Variants in EFL1 observed in about 807,000 individuals in gnomAD.
The protein encoded by EFL1 is elongation factor-like GTPase 1.
Under a neutral mutation model 126.7 loss-of-function variants are expected in EFL1, and 76 were observed. That is an observed-to-expected ratio of 0.60 (90% CI 0.50 to 0.73). The LOEUF (loss-of-function observed/expected upper bound fraction) is 0.73, where lower values mean the gene tolerates loss of function less well. Among genes scored for constraint, EFL1 ranks in the 30% least tolerant of loss-of-function variants. EFL1 has a pLI of 0.00. For synonymous variants in EFL1, 410 were observed against 448.4 expected, an observed-to-expected ratio of 0.91 and a Z score of 1.08; for missense variants, 1,128 against 1,343.2, an observed-to-expected ratio of 0.84 and a Z score of 2.50.
intron 15 of EFL1, among the ~76,000 whole-genome samples, chr15:82,191,023 A>AT (rs1567057180): frequency 2.0e-5 from 3 of 151,690 alleles, no homozygotes; most frequent in Non-Finnish European, 2.9e-5. Context: ...CCCTACTGTA[A>AT]TAAAAAAAAA....
At chr15:82,184,842 G>T (rs1301727631) in intron 15 of EFL1, among the ~76,000 whole-genome samples, 1 of 152,034 alleles carries the variant, frequency 6.6e-6, no homozygotes, top group East Asian at 1.9e-4. Context: ...TCTACTATAT[G>T]GTGAAAACAT....
At chr15:82,190,529 A>T (rs1364407446) in intron 15 of EFL1, among the ~76,000 whole-genome samples, 1 of 152,186 alleles carries the variant, frequency 6.6e-6, no homozygotes, top group Non-Finnish European at 1.5e-5. Context: ...TTTGTGAGTC[A>T]TAAAGAGTTG....
intron 15 of EFL1, among the ~76,000 whole-genome samples, chr15:82,167,446 T>C (rs183072377): frequency 9.9e-5 from 15 of 152,048 alleles, no homozygotes; most frequent in Admixed American, 6.6e-4. Flanking sequence ...TTGAGCCAAA[T>C]TTTTTTTTCT....
intron 3 of EFL1, among the ~76,000 whole-genome samples, chr15:82,255,870 G>C (rs1329859968): frequency 6.6e-6 from 1 of 152,086 alleles, no homozygotes; most frequent in South Asian, 2.1e-4. Flanking sequence ...TGGGTAAGAT[G>C]TATTTCCATA....
intron 3 of EFL1, 110 bp downstream of exon 3, chr15:82,258,978 G>A (rs1310570285): frequency 3.0e-6 from 3 of 998,090 alleles, no homozygotes; most frequent in African/African-American, 3.2e-5. Context: ...TTAGACGCAA[G>A]AATTATGTTT....
At position 82,152,359 on chromosome 15, in the gene EFL1, G is replaced by T; in HGVS notation, c.2095C>A (p.Pro699Thr). The change falls in exon 18 of 20, where the codon CCC becomes ACC. Residue 699 changes from proline to threonine, a missense_variant. Physicochemically the swap from Pro to Thr is conservative, Grantham distance 38 (BLOSUM62 -1). This residue lies in a region of EFL1 where 561 missense variants were observed against 641.7 expected (regional missense o/e 0.87). Coordinates refer to ENST00000268206, the MANE Select transcript of EFL1 (RefSeq NM_024580.6). The stretch of plus-strand genomic sequence containing the variant: ...TCATTGACCATGTCAACTTTTGGGG[G>T]TTTTGTGATTGTTTCTCTGAATGGA... ...IIPFRETITK[P>T]PKVDMVNEEI... 1 of 1,613,600 alleles carries T rather than the reference G, an allele frequency of 6.2e-7. No individual in the cohort carries two copies. Among genetic ancestry groups the T allele is most frequent in the South Asian group, 1.1e-5 (1 of 91,076 alleles).
At chr15:82,132,624 G>C (rs2073665199) in intron 19 of EFL1, among the ~76,000 whole-genome samples, 1 of 146,178 alleles carries the variant, frequency 6.8e-6, no homozygotes, top group Non-Finnish European at 1.5e-5. Context: ...TCTCGAAGTG[G>C]GAGCCCAGTT....
At chr15:82,156,535 G>C (rs2073969502) in intron 17 of EFL1, among the ~76,000 whole-genome samples, 2 of 152,108 alleles carry the variant, frequency 1.3e-5, no homozygotes, top group African/African-American at 4.8e-5. Context: ...TGCCCGCCCT[G>C]GCCTCCCAAA....
intron 15 of EFL1, among the ~76,000 whole-genome samples, chr15:82,180,767 G>T (rs191910335): frequency 2.7e-5 from 4 of 149,656 alleles, no homozygotes; most frequent in African/African-American, 7.4e-5. Flanking sequence ...TTTTTTTTAA[G>T]ACAGGCTGGA....
intron 4 of EFL1, among the ~76,000 whole-genome samples, chr15:82,244,019 T>C (rs1234723829): frequency 1.3e-5 from 2 of 151,776 alleles, no homozygotes; most frequent in African/African-American, 4.9e-5. Context: ...TAACCTGGAG[T>C]TTCTCAAATA....
chr15:82,203,392 G>A (rs1301003130), intron 15 of EFL1, among the ~76,000 whole-genome samples: 3 of 151,924 alleles, frequency 2.0e-5, no homozygotes, highest in Admixed American at 6.6e-5. Flanking sequence ...TTTTTGAGAC[G>A]GAGTCTCGCT....
At chr15:82,197,044 A>AT (rs2074416005) in intron 15 of EFL1, among the ~76,000 whole-genome samples, 1 of 151,880 alleles carries the variant, frequency 6.6e-6, no homozygotes, top group African/African-American at 2.4e-5. Context: ...AAAAAAAAAA[A>AT]AAAAATTGTG....
chr15:82,199,179 G>A (rs2074440932), intron 15 of EFL1, among the ~76,000 whole-genome samples: 1 of 152,096 alleles, frequency 6.6e-6, no homozygotes, highest in South Asian at 2.1e-4. Context: ...AAATTAGGGA[G>A]AGGCTATGTC....
rs1237551875 is a variant in EFL1, at chr15:82,256,646, G to A, written c.159+2442C>T. Reference sequence around the variant, plus strand: ...GGTTTTTTATAAATATCCCACATCAGATTACAGAAGTTCTCTTCTGTAACT... The same window carrying A: ...GGTTTTTTATAAATATCCCACATCAAATTACAGAAGTTCTCTTCTGTAACT... On this transcript the variant is annotated intron_variant, in intron 3 of 19. Coordinates refer to ENST00000268206, the MANE Select transcript of EFL1 (RefSeq NM_024580.6). 1.2e-4 allele frequency among the ~76,000 whole-genome samples: 18 copies of A among 152,198 alleles called. No individual in the cohort carries two copies. In the East Asian group the frequency reaches 3.5e-3, roughly 29 times the overall value.
chr15:82,221,016 A>G (rs1454597377), intron 12 of EFL1, among the ~76,000 whole-genome samples: 1 of 152,144 alleles, frequency 6.6e-6, no homozygotes, highest in African/African-American at 2.4e-5. Flanking sequence ...ACCTACCTGC[A>G]TGCTCAACCC....
chr15:82,159,425 CTG>C (rs2074000058), intron 16 of EFL1, among the ~76,000 whole-genome samples: 1 of 151,330 alleles, frequency 6.6e-6, no homozygotes, highest in Non-Finnish European at 1.5e-5. Context: ...ACACTTAAAT[CTG>C]TCTCTTCAAG....
chr15:82,259,326 G>C (rs1229250859), intron 2 of EFL1, among the ~76,000 whole-genome samples, 171 bp from the exon 3 acceptor site: 1 of 152,158 alleles, frequency 6.6e-6, no homozygotes, highest in Non-Finnish European at 1.5e-5. Context: ...ATATCATCTG[G>C]AAGGACACAG....
intron 19 of EFL1, 79 bp downstream of exon 19, chr15:82,138,579 T>C: frequency 6.6e-7 from 1 of 1,520,754 alleles, no homozygotes; most frequent in Non-Finnish European, 8.9e-7. Context: ...ATCTGTGTTG[T>C]TTGCTACTCT....
intron 15 of EFL1, among the ~76,000 whole-genome samples, chr15:82,170,705 A>G (rs2074126766): frequency 2.0e-5 from 3 of 152,204 alleles, no homozygotes; most frequent in African/African-American, 7.2e-5. Flanking sequence ...CATAAATTGC[A>G]TATTTAATTT....
Sources: gnomAD v4.1 joint callset for allele counts (sites outside exome capture counted in the v4.1 genomes callset) on GRCh38, gnomAD v4.1.1 for gene constraint, gnomAD v4.1.1 regional missense constraint, MANE v1.5 for transcripts, NCBI Gene and HGNC (gene_info 2026-07-23, HGNC 2026-07-21) for gene names.